Variants in KMT5B observed in about 807,000 individuals in gnomAD.
KMT5B encodes lysine methyltransferase 5B.
KMT5B carries 10 observed loss-of-function variants against 83.2 expected under a neutral mutation model. The ratio of observed to expected loss-of-function variants is 0.12; its 90% CI spans 0.07 to 0.20. The LOEUF is 0.20. KMT5B is among the 10% of genes least tolerant of loss of function. The probability of loss-of-function intolerance (pLI) is 1.00; values close to 1 mark genes in which losing one functional copy is unlikely to be tolerated. For synonymous variants in KMT5B, 349 were observed against 388.8 expected, an observed-to-expected ratio of 0.90 and a Z score of 1.20; for missense variants, 753 against 1,067.2, an observed-to-expected ratio of 0.71 and a Z score of 4.10.
upstream of KMT5B, chr11:68,213,478 T>A (rs929054919): frequency 6.9e-6 from 1 of 144,202 alleles, no homozygotes; most frequent in African/African-American, 2.6e-5. Context: ...GGGCCTCACC[T>A]CGCCTCGCGC....
chr11:68,172,152 G>A (rs1855894699), intron 6 of KMT5B, among the ~76,000 whole-genome samples: 1 of 152,184 alleles, frequency 6.6e-6, no homozygotes, highest in East Asian at 1.9e-4. Flanking sequence ...TATAATGCAA[G>A]CCAAATTTTC....
rs149821065 is a variant in KMT5B at position 68,157,811 on chromosome 11, A to G, written c.2535T>C (p.Phe845=). The G allele has an allele frequency of 1.7e-5, 27 of 1,614,038 alleles. No individual in the cohort carries two copies. The highest frequency in any genetic ancestry group is 3.3e-5 in the Admixed American group (2 of 60,016). ...GAGGAAGAGGAATAAAATCGTCTTCAAAGTCATCATCATAGTCATCCTCCT... is the reference window on the plus strand; with the variant it reads ...GAGGAAGAGGAATAAAATCGTCTTCGAAGTCATCATCATAGTCATCCTCCT... ...DEEEDDYDDD[F]EDDFIPLPPA... Residue 845 remains phenylalanine, a synonymous_variant, in exon 11 of 11, where the codon TTT becomes TTC. Transcript: ENST00000304363.
At chr11:68,159,292 C>T in intron 10 of KMT5B, 121 bp from the exon 11 acceptor site, 1 of 1,377,794 alleles carries the variant, frequency 7.3e-7, no homozygotes, top group Non-Finnish European at 9.5e-7. Context: ...AACACCACGG[C>T]TCCTGCTGCA....
chr11:68,163,695 G>A (rs1024981780), intron 10 of KMT5B, among the ~76,000 whole-genome samples: 2 of 151,776 alleles, frequency 1.3e-5, no homozygotes, highest in South Asian at 2.1e-4. Context: ...TAAAGACCTC[G>A]GTCTCAAGGA....
At chr11:68,212,743 C>T (rs1861085078) in intron 1 of KMT5B, 1 of 152,088 alleles carries the variant, frequency 6.6e-6, no homozygotes, top group Non-Finnish European at 1.5e-5. Context: ...CGGGCCAAAA[C>T]AAAAACAAAA....
At chr11:68,198,092 T>C (rs1297804216) in intron 1 of KMT5B, among the ~76,000 whole-genome samples, 1 of 152,160 alleles carries the variant, frequency 6.6e-6, no homozygotes, top group Non-Finnish European at 1.5e-5. Flanking sequence ...CACAAGTCGA[T>C]ACTGTAGTAG....
intron 10 of KMT5B, among the ~76,000 whole-genome samples, chr11:68,165,224 C>T (rs566834108): frequency 6.6e-6 from 1 of 152,256 alleles, no homozygotes; most frequent in East Asian, 1.9e-4. Context: ...GGTCTCTGGC[C>T]GGGTGCAGTG....
Position 68,166,023 on chromosome 11 carries a change from A to G in KMT5B, c.1174+959T>C. 2.5e-6 allele frequency: 4 copies of G among 1,611,092 alleles called. No homozygotes were observed. The South Asian group carries it at 4.4e-5, about 18-fold the overall frequency. On this transcript the variant is annotated intron_variant, in intron 10 of 10. Coordinates refer to ENST00000304363, the MANE Select transcript of KMT5B (RefSeq NM_017635.5). ...GGGAGAAGAACCTAAAATAATCAGTATCTCAGAGGGCTCTAAGGTGCCAAG... is the reference window on the plus strand; with the variant it reads ...GGGAGAAGAACCTAAAATAATCAGTGTCTCAGAGGGCTCTAAGGTGCCAAG...
At position 68,166,362 on chromosome 11, in the gene KMT5B, A is replaced by G. The variant is rs1855321687; in HGVS notation, c.1174+620T>C. The G allele has an allele frequency of 9.7e-6, 10 of 1,027,928 alleles. No homozygotes were observed. The South Asian group carries it at 3.9e-4, about 40-fold the overall frequency. The allele number at this position is 1,027,928 out of a possible 1,614,324, so 63.7% of individuals were successfully genotyped here. A position where few individuals can be genotyped will look rare whatever the true frequency, so the allele number is the denominator to read the frequency against. ...TGCCCCCACACACCACTGGAATCTC[A>G]GAGGTTGCTTCTTTCTCCTTTCCAT... On this transcript the variant is annotated intron_variant, in intron 10 of 10. Transcript: ENST00000304363.
At chr11:68,172,425 T>C (rs1855925859) in intron 6 of KMT5B, among the ~76,000 whole-genome samples, 1 of 151,392 alleles carries the variant, frequency 6.6e-6, no homozygotes, top group Non-Finnish European at 1.5e-5. Flanking sequence ...TTACTAGAGA[T>C]GGAGTTTCAC....
chr11:68,210,258 C>T (rs575700688), intron 1 of KMT5B, among the ~76,000 whole-genome samples: 1 of 150,762 alleles, frequency 6.6e-6, no homozygotes, highest in Non-Finnish European at 1.5e-5. Flanking sequence ...GGGGGGGGGA[C>T]ACTGATACCC....
At chr11:68,170,918 C>G in intron 9 of KMT5B, 97 bp downstream of exon 9, 1 of 1,314,848 alleles carries the variant, frequency 7.6e-7, no homozygotes, top group Middle Eastern at 1.9e-4. Context: ...AAGACTATCT[C>G]TGCATTTAAA....
chr11:68,176,204 C>T lies in KMT5B; in HGVS notation c.378-1021G>A, dbSNP rs547522620. Among the ~76,000 whole-genome samples, 10 of 152,274 alleles carry T rather than the reference C, an allele frequency of 6.6e-5. No individual in the cohort carries two copies. In the East Asian group the frequency reaches 1.7e-3, roughly 27 times the overall value. ...ATAGGTGTGAGCCACTGCGCCTGGC[C>T]TGCAGGGGTAGAATTGAAAAGGCTT... On this transcript the variant is annotated intron_variant, in intron 4 of 10. Transcript: ENST00000304363.
At chr11:68,174,015 TAAGA>T (rs1856097109) in intron 5 of KMT5B, 102 bp from the exon 6 acceptor site, 1 of 803,552 alleles carries the variant, frequency 1.2e-6, no homozygotes. Context: ...GAAAAAAATG[TAAGA>T]TCTAGCCTGA....
chr11:68,176,875 G>T (rs976133397), intron 4 of KMT5B, among the ~76,000 whole-genome samples: 1 of 152,146 alleles, frequency 6.6e-6, no homozygotes, highest in East Asian at 1.9e-4. Flanking sequence ...TGGTTCAGGA[G>T]AAAAAAATCT....
At chr11:68,183,781 T>C (rs780707048) in intron 3 of KMT5B, among the ~76,000 whole-genome samples, 1 of 151,720 alleles carries the variant, frequency 6.6e-6, no homozygotes, top group Non-Finnish European at 1.5e-5. Flanking sequence ...TGCCTCAGCC[T>C]CCTGAGTAGC....
chr11:68,176,797 A>G (rs1329996440), intron 4 of KMT5B: 2 of 152,146 alleles, frequency 1.3e-5, no homozygotes, highest in African/African-American at 4.8e-5. Flanking sequence ...AAACAAAACA[A>G]AACGTCCAAC....
chr11:68,172,789 T>C (rs1000464166), intron 6 of KMT5B, among the ~76,000 whole-genome samples: 1 of 151,964 alleles, frequency 6.6e-6, no homozygotes, highest in Non-Finnish European at 1.5e-5. Context: ...GCAGGCTCAA[T>C]ACATCCTGAG....
At chr11:68,186,161 T>C (rs900770524) in intron 2 of KMT5B, among the ~76,000 whole-genome samples, 1 of 152,176 alleles carries the variant, frequency 6.6e-6, no homozygotes, top group Non-Finnish European at 1.5e-5. Context: ...TTCCCAAGAA[T>C]GGGGTCTGGG....
Sources: gnomAD v4.1 joint callset for allele counts (sites outside exome capture counted in the v4.1 genomes callset) on GRCh38, gnomAD v4.1.1 for gene constraint, MANE v1.5 for transcripts, NCBI Gene and HGNC (gene_info 2026-07-23, HGNC 2026-07-21) for gene names.